FHL2: variants seen among roughly 807,000 people sequenced by gnomAD.
The protein encoded by FHL2 is four and a half LIM domains 2.
FHL2 carries 20 observed loss-of-function variants against 32.7 expected under a neutral mutation model. That is an observed-to-expected ratio of 0.61 (90% CI 0.43 to 0.89). FHL2 has a LOEUF of 0.89. Among genes scored for constraint, FHL2 ranks in the 40% least tolerant of loss-of-function variants. The pLI is 0.00. For missense variants in FHL2, 311 were observed against 358.6 expected (o/e 0.87, Z 1.07); for synonymous variants, 123 against 128.1 (o/e 0.96, Z 0.27).
chr2:105,424,217 G>A lies in FHL2; in HGVS notation c.-25+14182C>T, dbSNP rs183780659. On this transcript the variant is annotated intron_variant, in intron 1 of 5. Coordinates refer to the FHL2 transcript ENST00000393352. ...CAACCCCATCAAAAAGTGGGCAAAGGATATGAACAGACGCTTCTCAAAAGA... is the reference window on the plus strand; with the variant it reads ...CAACCCCATCAAAAAGTGGGCAAAGAATATGAACAGACGCTTCTCAAAAGA... 5.5e-3 allele frequency among the ~76,000 whole-genome samples: 844 copies of A among 152,230 alleles called. 46 individuals are homozygous for A. Among genetic ancestry groups the A allele is most frequent in the Admixed American group, 0.047 (714 of 15,296 alleles).
intron 1 of FHL2, among the ~76,000 whole-genome samples, chr2:105,430,583 G>T (rs879670693): frequency 1.3e-5 from 2 of 152,264 alleles, no homozygotes; most frequent in South Asian, 2.1e-4. Flanking sequence ...CATGAGAATC[G>T]CTTGACCCTG....
intron 5 of FHL2, among the ~76,000 whole-genome samples, chr2:105,364,684 A>G (rs1680508219): frequency 6.6e-6 from 1 of 152,232 alleles, no homozygotes; most frequent in African/African-American, 2.4e-5. Flanking sequence ...CAAGCACCTC[A>G]CAATCACACT....
intron 6 of FHL2, 151 bp downstream of exon 6, chr2:105,363,134 G>A (rs1169122038): frequency 6.0e-6 from 4 of 671,994 alleles, no homozygotes; most frequent in Non-Finnish European, 1.0e-5. Flanking sequence ...GCACCAAGGA[G>A]AGGAAAGCAG....
At chr2:105,401,360 G>A (rs1683464188), upstream of FHL2, among the ~76,000 whole-genome samples, 1 of 152,070 alleles carries the variant, frequency 6.6e-6, no homozygotes, top group Non-Finnish European at 1.5e-5. Context: ...ATATATATAC[G>A]AAATACTATC....
chr2:105,362,293 C>CT (rs1005513121), intron 6 of FHL2, among the ~76,000 whole-genome samples: 2 of 152,126 alleles, frequency 1.3e-5, no homozygotes, highest in Non-Finnish European at 2.9e-5. Context: ...AAATACTGTG[C>CT]TTTTCTTCAT....
intron 1 of FHL2, 32 bp downstream of exon 1, chr2:105,398,810 T>C (rs375312225): frequency 2.1e-4 from 297 of 1,391,070 alleles, no homozygotes; most frequent in Non-Finnish European, 2.7e-4. Context: ...CCCAGTGGTC[T>C]TCCCGGACCC....
In FHL2 at chr2:105,425,865, A is replaced by G. The variant is rs555668684; in HGVS notation, c.-25+12534T>C. ...CATTCCTTTTTGCTGAAATAATGAAAATAATAATCAATAAAAACTGAGGGA... is the reference window on the plus strand; with the variant it reads ...CATTCCTTTTTGCTGAAATAATGAAGATAATAATCAATAAAAACTGAGGGA... On this transcript the variant is annotated intron_variant, in intron 1 of 5. Coordinates refer to the FHL2 transcript ENST00000393352. Among the ~76,000 whole-genome samples, 6 of 152,202 alleles carry G rather than the reference A, an allele frequency of 3.9e-5. No homozygotes were observed. The South Asian group carries it at 1.0e-3, about 26-fold the overall frequency.
intron 4 of FHL2, among the ~76,000 whole-genome samples, chr2:105,370,692 T>A (rs893135675): frequency 1.3e-5 from 2 of 152,172 alleles, no homozygotes; most frequent in Non-Finnish European, 2.9e-5. Flanking sequence ...TCTAACACTT[T>A]TAAAAATCAA....
chr2:105,385,769 A>C, intron 3 of FHL2: 1 of 152,768 alleles, frequency 6.5e-6, no homozygotes, highest in Non-Finnish European at 1.5e-5. Flanking sequence ...GGCAGTTGGT[A>C]CAAGTGACCA....
intron 1 of FHL2, among the ~76,000 whole-genome samples, chr2:105,419,225 A>G (rs73948406): frequency 0.027 from 4,111 of 152,238 alleles, 206 homozygotes; most frequent in African/African-American, 0.094. Flanking sequence ...TTTTATTTTC[A>G]TAGGTTTTTC....
At chr2:105,360,032 C>G (rs921986549), downstream of FHL2, 12 of 152,354 alleles carry the variant, frequency 7.9e-5, no homozygotes, top group African/African-American at 2.9e-4. Flanking sequence ...TAGCTGGGTG[C>G]GGTGGCTCAT....
At chr2:105,406,455 CT>C (rs10655752) in intron 1 of FHL2, among the ~76,000 whole-genome samples, 106 of 141,426 alleles carry the variant, frequency 7.5e-4, no homozygotes, top group Admixed American at 7.1e-4. Flanking sequence ...TTTTTCTTAT[CT>C]TTTTTTTTTT....
At chr2:105,405,611 A>G (rs1683605038) in intron 1 of FHL2, among the ~76,000 whole-genome samples, 1 of 152,262 alleles carries the variant, frequency 6.6e-6, no homozygotes, top group Admixed American at 6.5e-5. Flanking sequence ...AAGATCTGTT[A>G]TTCTTTGTGA....
At chr2:105,403,395 C>T (rs1407636039), upstream of FHL2, among the ~76,000 whole-genome samples, 1 of 152,198 alleles carries the variant, frequency 6.6e-6, no homozygotes, top group Non-Finnish European at 1.5e-5. Flanking sequence ...TATTCAAGTT[C>T]TTCTTTTGTT....
At chr2:105,407,357 A>C (rs1573388433) in intron 1 of FHL2, among the ~76,000 whole-genome samples, 1 of 148,388 alleles carries the variant, frequency 6.7e-6, no homozygotes, top group African/African-American at 2.5e-5. Context: ...GCTCCACTGC[A>C]CTCCAGCCTG....
At chr2:105,402,667 A>G (rs1432595338), upstream of FHL2, among the ~76,000 whole-genome samples, 3 of 152,202 alleles carry the variant, frequency 2.0e-5, no homozygotes, top group African/African-American at 7.2e-5. Flanking sequence ...GAGGAGGGGA[A>G]TGCAATTTCT....
At chr2:105,387,119 T>C (rs1301338070) in intron 2 of FHL2, among the ~76,000 whole-genome samples, 1 of 152,156 alleles carries the variant, frequency 6.6e-6, no homozygotes, top group Non-Finnish European at 1.5e-5. Context: ...GAAAAAGCTA[T>C]CTCAGTTTTA....
chr2:105,418,073 G>T (rs1009156431), intron 1 of FHL2, among the ~76,000 whole-genome samples: 8 of 152,148 alleles, frequency 5.3e-5, no homozygotes, highest in African/African-American at 1.7e-4. Flanking sequence ...AACACTTTAG[G>T]CTGGGGAAGT....
chr2:105,372,381 A>G (rs148187634), intron 4 of FHL2, among the ~76,000 whole-genome samples: 1,626 of 150,276 alleles, frequency 0.011, 21 homozygotes, highest in African/African-American at 0.037. Context: ...GCCCGCCACT[A>G]TGCCCGGCTA....
Sources: allele counts gnomAD v4.1 joint callset (sites outside exome capture counted in the v4.1 genomes callset), GRCh38; gene constraint gnomAD v4.1.1; transcripts MANE v1.5; gene names NCBI Gene and HGNC (gene_info 2026-07-23, HGNC 2026-07-21).